Variants in RAP1GDS1 observed in about 807,000 individuals in gnomAD.
RAP1GDS1 encodes Rap1 GTPase-GDP dissociation stimulator 1.
In RAP1GDS1, 35 loss-of-function variants were observed where a neutral mutation model predicts 71.1. That is an observed-to-expected ratio of 0.49 (90% CI 0.38 to 0.65). The LOEUF (loss-of-function observed/expected upper bound fraction) is 0.65. Among genes scored for constraint, RAP1GDS1 ranks in the 30% least tolerant of loss-of-function variants. The pLI, the probability that RAP1GDS1 is intolerant of heterozygous loss-of-function variation, is 0.00. For synonymous variants in RAP1GDS1, 229 were observed against 243.1 expected (o/e 0.94, Z 0.54); for missense variants, 663 against 706.1 (o/e 0.94, Z 0.69).
At chr4:98,327,076 C>A (rs943709579) in intron 2 of RAP1GDS1, among the ~76,000 whole-genome samples, 1 of 152,178 alleles carries the variant, frequency 6.6e-6, no homozygotes, top group Admixed American at 6.5e-5. Flanking sequence ...CTGATAAATT[C>A]TTCTACTGGA....
At chr4:98,304,676 G>T (rs1729068757) in intron 2 of RAP1GDS1, among the ~76,000 whole-genome samples, 1 of 152,052 alleles carries the variant, frequency 6.6e-6, no homozygotes, top group East Asian at 1.9e-4. Flanking sequence ...TTCTTTTGCT[G>T]CGCAAAAGCT....
At chr4:98,269,029 G>T (rs1723073890) in intron 1 of RAP1GDS1, among the ~76,000 whole-genome samples, 1 of 151,860 alleles carries the variant, frequency 6.6e-6, no homozygotes, top group Non-Finnish European at 1.5e-5. Context: ...AAGGCCAGGG[G>T]CATCACACTA....
chr4:98,366,559 A>G (rs1002943042), intron 4 of RAP1GDS1, among the ~76,000 whole-genome samples: 1 of 152,200 alleles, frequency 6.6e-6, no homozygotes, highest in African/African-American at 2.4e-5. Context: ...TAGAGGGCTC[A>G]GAAGAAGACA....
chr4:98,332,493 C>G (rs556285297), intron 2 of RAP1GDS1, among the ~76,000 whole-genome samples: 1 of 151,958 alleles, frequency 6.6e-6, no homozygotes, highest in Non-Finnish European at 1.5e-5. Flanking sequence ...AGTTATTGTC[C>G]CAGCTAAACA....
chr4:98,336,997 C>T (rs189137624), intron 2 of RAP1GDS1, among the ~76,000 whole-genome samples: 2 of 152,176 alleles, frequency 1.3e-5, no homozygotes, highest in East Asian at 1.9e-4. Context: ...CAGGTTCAAG[C>T]GATTCTTATG....
At chr4:98,279,393 A>T (rs1724719352) in intron 1 of RAP1GDS1, among the ~76,000 whole-genome samples, 1 of 151,798 alleles carries the variant, frequency 6.6e-6, no homozygotes, top group African/African-American at 2.4e-5. Context: ...TTTTAAGATA[A>T]TTACATTTAA....
At position 98,424,043 on chromosome 4, in the gene RAP1GDS1, GAGAC is replaced by G. The variant is rs566126812; in HGVS notation, c.1440+2654_1440+2657del. Among the ~76,000 whole-genome samples, 217 of 152,298 alleles carry G rather than the reference GAGAC, an allele frequency of 1.4e-3. 1 individual carries two copies. Among genetic ancestry groups the G allele is most frequent in the Non-Finnish European group, 2.4e-3 (165 of 68,034 alleles). On this transcript the variant is annotated intron_variant, in intron 12 of 14. Transcript: ENST00000408927. ...TAGAAGCAGCGAGGATGGAAAAGAA[GAGAC>G]AGACCTGAGAAAAATATGGGTGGTA...
intron 2 of RAP1GDS1, among the ~76,000 whole-genome samples, chr4:98,296,463 A>T (rs1727774595): frequency 6.6e-6 from 1 of 152,118 alleles, no homozygotes; most frequent in African/African-American, 2.4e-5. Context: ...AGACAAGAAG[A>T]TTTGAATACT....
Position 98,437,083 on chromosome 4 carries a change from A to G in RAP1GDS1, c.1696+15A>G, listed in dbSNP as rs371632926. On this transcript the variant is annotated intron_variant, in intron 14 of 14. Coordinates refer to ENST00000408927, the MANE Select transcript of RAP1GDS1 (RefSeq NM_001100427.2). Reference sequence around the variant, plus strand: ...TATGGGATCTGGTAAGTATTCTTCTATCATTTGATGTCCATAAACATATGG... The same window carrying G: ...TATGGGATCTGGTAAGTATTCTTCTGTCATTTGATGTCCATAAACATATGG... 1.9e-6 allele frequency: 3 copies of G among 1,574,794 alleles called. No homozygotes were observed. Among genetic ancestry groups the G allele is most frequent in the African/African-American group, 1.4e-5 (1 of 73,264 alleles).
At chr4:98,317,331 C>G (rs1179478352) in intron 2 of RAP1GDS1, among the ~76,000 whole-genome samples, 1 of 152,052 alleles carries the variant, frequency 6.6e-6, no homozygotes, top group African/African-American at 2.4e-5. Context: ...TTAGTAAATC[C>G]AGAATCAATC....
chr4:98,287,692 A>C (rs1366136868), intron 1 of RAP1GDS1, among the ~76,000 whole-genome samples: 1 of 152,204 alleles, frequency 6.6e-6, no homozygotes, highest in Non-Finnish European at 1.5e-5. Context: ...TTTCTCTTCA[A>C]ATATTAGAAA....
At chr4:98,326,883 G>T (rs1578453993) in intron 2 of RAP1GDS1, among the ~76,000 whole-genome samples, 1 of 152,188 alleles carries the variant, frequency 6.6e-6, no homozygotes, top group Non-Finnish European at 1.5e-5. Flanking sequence ...TGTGGTGTGT[G>T]CCTGTAAGAG....
At chr4:98,384,557 A>T (rs1312812329) in intron 5 of RAP1GDS1, among the ~76,000 whole-genome samples, 2 of 151,662 alleles carry the variant, frequency 1.3e-5, no homozygotes, top group Non-Finnish European at 3.0e-5. Context: ...AATTTGACCA[A>T]TTAGACCAGG....
chr4:98,357,009 G>A (rs1480710177), intron 4 of RAP1GDS1, among the ~76,000 whole-genome samples: 2 of 151,872 alleles, frequency 1.3e-5, no homozygotes, highest in Middle Eastern at 3.4e-3. Context: ...AGTTCTTACT[G>A]CAAATACTGA....
At chr4:98,357,403 G>C (rs926933531) in intron 4 of RAP1GDS1, among the ~76,000 whole-genome samples, 1 of 151,796 alleles carries the variant, frequency 6.6e-6, no homozygotes, top group Non-Finnish European at 1.5e-5. Context: ...ATGTGTATAA[G>C]AATAAACAAC....
intron 2 of RAP1GDS1, among the ~76,000 whole-genome samples, chr4:98,315,654 A>C (rs1195579454): frequency 6.6e-6 from 1 of 152,120 alleles, no homozygotes; most frequent in East Asian, 1.9e-4. Flanking sequence ...CATGCAAGGA[A>C]GGGTCAAGAG....
intron 2 of RAP1GDS1, among the ~76,000 whole-genome samples, chr4:98,327,081 A>T (rs1412487719): frequency 6.6e-6 from 1 of 152,190 alleles, no homozygotes; most frequent in Non-Finnish European, 1.5e-5. Context: ...AAATTCTTCT[A>T]CTGGAGTACA....
intron 1 of RAP1GDS1, among the ~76,000 whole-genome samples, chr4:98,292,204 G>A (rs1338998831): frequency 6.6e-6 from 1 of 150,580 alleles, no homozygotes; most frequent in Non-Finnish European, 1.5e-5. Flanking sequence ...CTAGCTCCCT[G>A]TAGACTCAAA....
intron 2 of RAP1GDS1, among the ~76,000 whole-genome samples, chr4:98,314,646 G>A (rs1196679970): frequency 6.6e-6 from 1 of 152,132 alleles, no homozygotes; most frequent in Non-Finnish European, 1.5e-5. Context: ...CATTAATTGT[G>A]TACCACTATG....
Sources: gnomAD v4.1 joint callset for allele counts (sites outside exome capture counted in the v4.1 genomes callset) on GRCh38, gnomAD v4.1.1 for gene constraint, MANE v1.5 for transcripts, NCBI Gene and HGNC (gene_info 2026-07-23, HGNC 2026-07-21) for gene names.